NINL: variants seen among roughly 807,000 people sequenced by gnomAD.
NINL encodes ninein-like protein.
NINL carries 153 observed loss-of-function variants against 160.3 expected under a neutral mutation model. The observed-to-expected ratio is 0.95, with a 90% CI of 0.84 to 1.09. The LOEUF is 1.09. Ranked by LOEUF, NINL falls within the 50% of genes least tolerant of loss-of-function variation. NINL has a pLI of 0.00. For synonymous variants in NINL, 800 were observed against 734.8 expected, an observed-to-expected ratio of 1.09 and a Z score of -1.43; for missense variants, 1,829 against 1,764.0, an observed-to-expected ratio of 1.04 and a Z score of -0.66.
At chr20:25,492,643 G>A (rs1264449083) in intron 10 of NINL, among the ~76,000 whole-genome samples, 1 of 151,964 alleles carries the variant, frequency 6.6e-6, no homozygotes, top group African/African-American at 2.4e-5. Flanking sequence ...TAGTAGAGAC[G>A]GGGTTTCACC....
rs765947763 is a variant in NINL, at chr20:25,517,736, AG to A, written c.277+16del. On this transcript the variant is annotated intron_variant, in intron 3 of 23. Transcript: ENST00000278886. ...CAAACAAATAATGAAAAGAAAACAC[AG>A]AGGAAATCCTCTTACCTGATTCCAA... The A allele has an allele frequency of 6.5e-7, 1 of 1,542,162 alleles. No homozygotes were observed. The highest frequency in any genetic ancestry group is 8.8e-7 in the Non-Finnish European group (1 of 1,135,698).
chr20:25,463,953 T>A (rs1476775709), intron 19 of NINL, among the ~76,000 whole-genome samples: 1 of 152,220 alleles, frequency 6.6e-6, no homozygotes, highest in African/African-American at 2.4e-5. Flanking sequence ...ATAGAGCTCA[T>A]GTGTTTTATG....
intron 21 of NINL, among the ~76,000 whole-genome samples, chr20:25,459,448 C>A (rs907190573): frequency 6.6e-6 from 1 of 152,176 alleles, no homozygotes; most frequent in African/African-American, 2.4e-5. Flanking sequence ...ATTTTCCAGG[C>A]CCTGGAAGGC....
intron 13 of NINL, 89 bp downstream of exon 13, chr20:25,489,155 C>G: frequency 1.6e-6 from 2 of 1,223,734 alleles, no homozygotes; most frequent in South Asian, 1.2e-5. Context: ...CTCCCTGGAG[C>G]AGACACTCCT....
At chr20:25,457,478 C>T (rs772297207) in intron 22 of NINL, among the ~76,000 whole-genome samples, 4 of 152,376 alleles carry the variant, frequency 2.6e-5, no homozygotes, top group South Asian at 2.1e-4. Flanking sequence ...GAGCTTCCCT[C>T]GCTGTGTTAG....
At chr20:25,537,235 AC>A in intron 1 of NINL, among the ~76,000 whole-genome samples, 1 of 151,592 alleles carries the variant, frequency 6.6e-6, no homozygotes, top group Non-Finnish European at 1.5e-5. Flanking sequence ...GGTGTGCACC[AC>A]CCTGCCTGGC....
At chr20:25,562,134 C>A (rs1464080931) in intron 1 of NINL, among the ~76,000 whole-genome samples, 3 of 145,162 alleles carry the variant, frequency 2.1e-5, no homozygotes, top group African/African-American at 7.7e-5. Context: ...GGGGTGTCAG[C>A]CCCCCGCCAG....
chr20:25,554,826 CAAAA>C (rs1195000719), intron 1 of NINL, among the ~76,000 whole-genome samples: 1 of 151,880 alleles, frequency 6.6e-6, no homozygotes, highest in African/African-American at 2.4e-5. Context: ...AACAAACAAA[CAAAA>C]AACCTGTGTC....
intron 3 of NINL, among the ~76,000 whole-genome samples, chr20:25,515,753 T>C (rs2064149494): frequency 6.6e-6 from 1 of 151,984 alleles, no homozygotes; most frequent in African/African-American, 2.4e-5. Flanking sequence ...TGGTTATTTT[T>C]TTATTGTTGT....
intron 16 of NINL, 110 bp from the exon 17 acceptor site, chr20:25,477,199 GC>G: frequency 9.2e-7 from 1 of 1,083,328 alleles, no homozygotes; most frequent in Non-Finnish European, 1.3e-6. Context: ...TCTGTGGTTG[GC>G]TTTCTTTATC....
intron 4 of NINL, among the ~76,000 whole-genome samples, chr20:25,511,262 T>A (rs546476170): frequency 5.4e-4 from 82 of 152,112 alleles, no homozygotes; most frequent in Non-Finnish European, 7.8e-4. Flanking sequence ...GGTTTCTGTA[T>A]CCCTCCAAGG....
chr20:25,512,724 G>A (rs942984261), intron 4 of NINL, 110 bp downstream of exon 4: 92 of 1,367,230 alleles, frequency 6.7e-5, no homozygotes, highest in African/African-American at 2.8e-4. Flanking sequence ...TGCCTGAGAC[G>A]GTGGCTGCCC....
intron 9 of NINL, among the ~76,000 whole-genome samples, chr20:25,497,684 GACC>G (rs2063785050): frequency 6.6e-6 from 1 of 152,216 alleles, no homozygotes; most frequent in African/African-American, 2.4e-5. Flanking sequence ...GGCATTTTGT[GACC>G]ACGTTTGAAA....
chr20:25,514,863 G>A (rs750852144), intron 3 of NINL, among the ~76,000 whole-genome samples: 16 of 152,344 alleles, frequency 1.1e-4, no homozygotes, highest in African/African-American at 1.2e-4. Context: ...GCAGGTGGAC[G>A]GAGGGCAAGA....
chr20:25,502,771 C>T (rs1021797062), intron 7 of NINL, among the ~76,000 whole-genome samples: 1 of 152,118 alleles, frequency 6.6e-6, no homozygotes, highest in Non-Finnish European at 1.5e-5. Context: ...CTGCTCTGGC[C>T]ATGTGACCTG....
intron 10 of NINL, among the ~76,000 whole-genome samples, chr20:25,492,028 A>T (rs1389347035): frequency 3.9e-5 from 6 of 152,200 alleles, no homozygotes; most frequent in African/African-American, 1.4e-4. Flanking sequence ...TTCCATTAGC[A>T]GGAAAAACAG....
intron 17 of NINL, among the ~76,000 whole-genome samples, chr20:25,472,324 G>GATATATATATATATATAT (rs56260321): frequency 4.8e-5 from 4 of 83,956 alleles, no homozygotes; most frequent in Admixed American, 1.6e-4. Flanking sequence ...GGGAGGAGAG[G>GATATATATATATATATAT]ATATATATAT....
chr20:25,561,099 C>G (rs373840526), intron 1 of NINL, among the ~76,000 whole-genome samples: 2 of 106,518 alleles, frequency 1.9e-5, no homozygotes, highest in South Asian at 6.3e-4. Context: ...CGAAGCTGGA[C>G]TGTGCTGCTG....
At chr20:25,578,561 A>T (rs1030577800) in intron 1 of NINL, among the ~76,000 whole-genome samples, 1 of 152,032 alleles carries the variant, frequency 6.6e-6, no homozygotes, top group Admixed American at 6.6e-5. Flanking sequence ...TGGGAGGCTG[A>T]GGCAGGTGGA....
Sources: gnomAD v4.1 joint callset for allele counts (sites outside exome capture counted in the v4.1 genomes callset) on GRCh38, gnomAD v4.1.1 for gene constraint, MANE v1.5 for transcripts, NCBI Gene and HGNC (gene_info 2026-07-23, HGNC 2026-07-21) for gene names.